DPF3: variants seen among roughly 807,000 people sequenced by gnomAD.
The protein encoded by DPF3 is zinc finger protein DPF3.
A neutral mutation model predicts 56.8 loss-of-function variants in DPF3; 18 were observed. The ratio of observed to expected loss-of-function variants is 0.32; its 90% CI spans 0.22 to 0.47. The LOEUF (loss-of-function observed/expected upper bound fraction) is 0.47, where lower values mean the gene tolerates loss of function less well. Among genes scored for constraint, DPF3 ranks in the 20% least tolerant of loss-of-function variants. DPF3 has a pLI of 1.00. For synonymous variants in DPF3, 188 were observed against 180.2 expected, an observed-to-expected ratio of 1.04 and a Z score of -0.35; for missense variants, 403 against 488.8, an observed-to-expected ratio of 0.82 and a Z score of 1.65.
chr14:72,807,382 T>C (rs1484192922), intron 1 of DPF3, among the ~76,000 whole-genome samples: 1 of 152,204 alleles, frequency 6.6e-6, no homozygotes, highest in East Asian at 1.9e-4. Context: ...AGAGGCTCAA[T>C]AAATACATTA....
intron 1 of DPF3, chr14:72,880,001 T>G (rs1191654045): frequency 7.0e-7 from 1 of 1,434,458 alleles, no homozygotes; most frequent in East Asian, 2.5e-5. Flanking sequence ...CTGAGTAGCC[T>G]GCACACTAGA....
intron 1 of DPF3, among the ~76,000 whole-genome samples, chr14:72,867,051 G>A (rs942073702): frequency 2.9e-5 from 4 of 137,680 alleles, no homozygotes; most frequent in Non-Finnish European, 6.8e-5. Context: ...CAACAGGACG[G>A]CTTTTATTTT....
At chr14:72,654,406 G>A (rs962265440) in intron 8 of DPF3, among the ~76,000 whole-genome samples, 1 of 152,032 alleles carries the variant, frequency 6.6e-6, no homozygotes, top group African/African-American at 2.4e-5. Flanking sequence ...GAGCCTAACT[G>A]GCACTCACAT....
At chr14:72,723,194 A>G (rs982561033) in intron 5 of DPF3, among the ~76,000 whole-genome samples, 2 of 148,942 alleles carry the variant, frequency 1.3e-5, no homozygotes, top group African/African-American at 5.0e-5. Flanking sequence ...CCCAGCCCCT[A>G]TCTCACAACA....
chr14:72,771,674 C>T lies in DPF3; in HGVS notation c.193+59G>A. 3 of 1,548,062 alleles carry T rather than the reference C, an allele frequency of 1.9e-6. 1 individual carries two copies. The highest frequency in any genetic ancestry group is 4.6e-4 in the Middle Eastern group (2 of 4,360). ...CTGGTTTCCCAGACAAGCTGCGGTC[C>T]TCCTCCCTCCAGGCTGGGAGCCTGC... On this transcript the variant is annotated intron_variant, in intron 2 of 10. Transcript: ENST00000556509.
At chr14:72,730,112 C>G (rs960567059) in intron 4 of DPF3, among the ~76,000 whole-genome samples, 1 of 151,862 alleles carries the variant, frequency 6.6e-6, no homozygotes, top group Admixed American at 6.6e-5. Flanking sequence ...CCCTCAAGCA[C>G]TATCAGGGAG....
chr14:72,683,136 G>C (rs1424957450), intron 7 of DPF3, among the ~76,000 whole-genome samples: 1 of 151,992 alleles, frequency 6.6e-6, no homozygotes, highest in African/African-American at 2.4e-5. Flanking sequence ...AGACCAGCCT[G>C]GCTAACATAG....
chr14:72,706,697 C>T (rs1195708028), intron 6 of DPF3, among the ~76,000 whole-genome samples: 1 of 152,154 alleles, frequency 6.6e-6, no homozygotes, highest in Non-Finnish European at 1.5e-5. Flanking sequence ...CCTATACTCC[C>T]CACCATGACT....
intron 1 of DPF3, among the ~76,000 whole-genome samples, chr14:72,824,352 A>C (rs1350942307): frequency 6.6e-6 from 1 of 152,040 alleles, no homozygotes; most frequent in Non-Finnish European, 1.5e-5. Flanking sequence ...AGCTAAGGAC[A>C]CTTTCACGTG....
chr14:72,690,073 G>C (rs1887607507), intron 7 of DPF3, among the ~76,000 whole-genome samples: 1 of 152,118 alleles, frequency 6.6e-6, no homozygotes, highest in African/African-American at 2.4e-5. Context: ...AGCAGGGTGA[G>C]AAAGAGAAAA....
At chr14:72,746,658 C>T (rs544048075) in intron 3 of DPF3, among the ~76,000 whole-genome samples, 5 of 152,348 alleles carry the variant, frequency 3.3e-5, no homozygotes, top group African/African-American at 9.6e-5. Context: ...CAACTTTTCC[C>T]CCGAGGGCGG....
rs543033751 is a variant in DPF3 at position 72,757,161 on chromosome 14, G to T, written c.194-3790C>A. Reference sequence around the variant, plus strand: ...ATGGGATAGGAACAGCAATTGAAATGGGGAAGAAAAAAACTGAAGTAGTTT... The same window carrying T: ...ATGGGATAGGAACAGCAATTGAAATTGGGAAGAAAAAAACTGAAGTAGTTT... On this transcript the variant is annotated intron_variant, in intron 2 of 10. Transcript: ENST00000556509. Among the ~76,000 whole-genome samples, 3 of 152,076 alleles carry T rather than the reference G, an allele frequency of 2.0e-5. No homozygotes were observed. In the South Asian group the frequency reaches 6.2e-4, roughly 32 times the overall value.
intron 8 of DPF3, among the ~76,000 whole-genome samples, chr14:72,632,567 C>A: frequency 1.6e-5 from 2 of 128,608 alleles, no homozygotes; most frequent in South Asian, 2.5e-4. Context: ...AGGTGGAAGG[C>A]AGATAAGAAA....
chr14:72,845,221 G>C (rs1242204958), intron 1 of DPF3, among the ~76,000 whole-genome samples: 2 of 112,878 alleles, frequency 1.8e-5, no homozygotes, highest in African/African-American at 5.6e-5. Context: ...CCAGTAGTAA[G>C]GAAAGAACAG....
intron 1 of DPF3, among the ~76,000 whole-genome samples, chr14:72,795,295 A>ATATATATAT (rs1370331515): frequency 1.9e-5 from 2 of 102,936 alleles, no homozygotes; most frequent in African/African-American, 7.4e-5. Context: ...AAAAAAAAAA[A>ATATATATAT]ATATATATAT....
intron 8 of DPF3, among the ~76,000 whole-genome samples, chr14:72,669,745 T>C (rs73298158): frequency 0.06 from 9,188 of 152,050 alleles, 828 homozygotes; most frequent in African/African-American, 0.19. Context: ...CACACACCTA[T>C]GCCAGGGCCC....
intron 3 of DPF3, 115 bp downstream of exon 3, chr14:72,753,149 T>C: frequency 3.5e-6 from 3 of 862,570 alleles, no homozygotes; most frequent in Non-Finnish European, 5.3e-6. Context: ...GCATGTTCCC[T>C]CTCCCAGAAA....
intron 1 of DPF3, 148 bp downstream of exon 1, chr14:72,893,909 A>G: frequency 1.2e-6 from 1 of 837,242 alleles, no homozygotes; most frequent in Non-Finnish European, 1.9e-6. Context: ...AAGAAGATGA[A>G]GAAGTAAGAG....
chr14:72,672,290 C>CATGGTATGT (rs1886723801), intron 8 of DPF3, among the ~76,000 whole-genome samples: 1 of 152,196 alleles, frequency 6.6e-6, no homozygotes. Flanking sequence ...ATACATCCCT[C>CATGGTATGT]ATGGTGCCAA....
Sources: gnomAD v4.1 joint callset for allele counts (sites outside exome capture counted in the v4.1 genomes callset) on GRCh38, gnomAD v4.1.1 for gene constraint, MANE v1.5 for transcripts, NCBI Gene and HGNC (gene_info 2026-07-23, HGNC 2026-07-21) for gene names.